RSU1: variants seen among roughly 807,000 people sequenced by gnomAD.
RSU1 encodes rsu-1.
In RSU1, 26 loss-of-function variants were observed where a neutral mutation model predicts 31.1. That is an observed-to-expected ratio of 0.84 (90% CI 0.61 to 1.16). The LOEUF is 1.16. Ranked by LOEUF, RSU1 falls within the 50% of genes most tolerant of loss-of-function variation. RSU1 has a pLI of 0.00. For synonymous variants in RSU1, 164 were observed against 136.3 expected, an observed-to-expected ratio of 1.20 and a Z score of -1.41; for missense variants, 320 against 339.1, an observed-to-expected ratio of 0.94 and a Z score of 0.44.
chr10:16,704,138 A>T (rs1835848069), intron 7 of RSU1, among the ~76,000 whole-genome samples: 1 of 152,216 alleles, frequency 6.6e-6, no homozygotes, highest in Non-Finnish European at 1.5e-5. Context: ...GAAAAAATTA[A>T]ATCTATTTTG....
chr10:16,744,589 A>G (rs1836812950), intron 7 of RSU1, among the ~76,000 whole-genome samples: 1 of 152,238 alleles, frequency 6.6e-6, no homozygotes, highest in Admixed American at 6.5e-5. Flanking sequence ...ACAAGTTAAT[A>G]ATCATATAAA....
intron 7 of RSU1, among the ~76,000 whole-genome samples, chr10:16,740,523 G>C (rs1448897879): frequency 6.6e-6 from 1 of 152,040 alleles, no homozygotes; most frequent in African/African-American, 2.4e-5. Flanking sequence ...TAAAATTAAA[G>C]ACATCCAGAT....
chr10:16,798,869 C>A (rs1176497998), intron 2 of RSU1, among the ~76,000 whole-genome samples: 2 of 152,144 alleles, frequency 1.3e-5, no homozygotes, highest in Non-Finnish European at 2.9e-5. Context: ...CGACAACACT[C>A]CAGAAAAGAA....
chr10:16,593,167 T>A lies in RSU1; in HGVS notation c.*227A>T, dbSNP rs1378977306. The stretch of plus-strand genomic sequence containing the variant: ...TTGAATAAGAGCTTTGTTCCCTGCT[T>A]TTGGTAATGTTAAAGAAACAAATGG... On this transcript the variant is annotated 3_prime_UTR_variant, in exon 9 of 9. Coordinates refer to ENST00000345264, the MANE Select transcript of RSU1 (RefSeq NM_012425.4). 4.2e-6 allele frequency: 3 copies of A among 721,236 alleles called. No homozygotes were observed. The Admixed American group carries it at 1.1e-4, about 26-fold the overall frequency. 44.7% of individuals were successfully genotyped at this position (721,236 alleles called of 1,614,324 possible).
chr10:16,817,237 GA>G, intron 1 of RSU1, 77 bp downstream of exon 1: 1 of 406,586 alleles, frequency 2.5e-6, no homozygotes, highest in East Asian at 4.7e-5. Context: ...GCGGGGAGGG[GA>G]TGGAGTGGGA....
At chr10:16,793,422 G>A (rs1837967651) in intron 2 of RSU1, among the ~76,000 whole-genome samples, 1 of 152,004 alleles carries the variant, frequency 6.6e-6, no homozygotes, top group Admixed American at 6.5e-5. Context: ...CCTATCTTGA[G>A]AACCCCCCAT....
At chr10:16,703,379 C>G (rs923479709) in intron 7 of RSU1, among the ~76,000 whole-genome samples, 2 of 152,140 alleles carry the variant, frequency 1.3e-5, no homozygotes, top group African/African-American at 2.4e-5. Flanking sequence ...AGCAATCTGG[C>G]GATTTCTATT....
chr10:16,770,042 C>G (rs1006631112), intron 3 of RSU1, among the ~76,000 whole-genome samples: 2 of 152,170 alleles, frequency 1.3e-5, no homozygotes, highest in African/African-American at 4.8e-5. Flanking sequence ...GGTAGTCATA[C>G]AAAGAGATGT....
intron 7 of RSU1, among the ~76,000 whole-genome samples, chr10:16,740,848 T>C (rs754631587): frequency 6.6e-6 from 1 of 152,226 alleles, no homozygotes; most frequent in Admixed American, 6.5e-5. Flanking sequence ...TTCATGGATC[T>C]GAACTGAAGC....
At chr10:16,730,333 A>G (rs539025012) in intron 7 of RSU1, among the ~76,000 whole-genome samples, 3 of 152,298 alleles carry the variant, frequency 2.0e-5, no homozygotes, top group African/African-American at 7.2e-5. Context: ...AACTGTATCA[A>G]CTTGCACCTC....
chr10:16,689,665 T>C (rs530298474), intron 8 of RSU1, among the ~76,000 whole-genome samples: 2 of 152,362 alleles, frequency 1.3e-5, no homozygotes, highest in African/African-American at 4.8e-5. Context: ...TTTTATCTCA[T>C]GGTTTCCCAC....
chr10:16,634,515 G>C lies in RSU1; in HGVS notation c.732-41019C>G, dbSNP rs183754838. Among the ~76,000 whole-genome samples, 537 of 152,244 alleles carry C rather than the reference G, an allele frequency of 3.5e-3. 4 individuals carry two copies. Among genetic ancestry groups the C allele is most frequent in the African/African-American group, 0.012 (486 of 41,548 alleles). On this transcript the variant is annotated intron_variant, in intron 8 of 8. Coordinates refer to ENST00000345264, the MANE Select transcript of RSU1 (RefSeq NM_012425.4). ...CTGTATCACCTTACAATGGTTTTTT[G>C]AAAGAATATGTGATTTTCACACAAA...
intron 7 of RSU1, among the ~76,000 whole-genome samples, chr10:16,751,109 C>T (rs183031120): frequency 2.6e-5 from 4 of 152,208 alleles, no homozygotes; most frequent in Admixed American, 6.5e-5. Flanking sequence ...TCAAGCTATC[C>T]GCCTGCTTCG....
At chr10:16,604,315 AG>A (rs1833763019) in intron 8 of RSU1, among the ~76,000 whole-genome samples, 1 of 152,196 alleles carries the variant, frequency 6.6e-6, no homozygotes, top group Non-Finnish European at 1.5e-5. Flanking sequence ...TAAGCAGACC[AG>A]GGATATCAGC....
At chr10:16,608,675 C>A (rs774510339) in intron 8 of RSU1, among the ~76,000 whole-genome samples, 2 of 152,028 alleles carry the variant, frequency 1.3e-5, no homozygotes, top group Non-Finnish European at 2.9e-5. Context: ...GACGGCATCT[C>A]CGAGAGCTCA....
At chr10:16,633,306 T>C (rs1004834491) in intron 8 of RSU1, among the ~76,000 whole-genome samples, 6 of 152,154 alleles carry the variant, frequency 3.9e-5, no homozygotes, top group Non-Finnish European at 5.9e-5. Context: ...CAGCCGAACA[T>C]GGGAAACGAG....
intron 8 of RSU1, among the ~76,000 whole-genome samples, chr10:16,620,808 G>A (rs1332087071): frequency 1.3e-5 from 2 of 151,048 alleles, no homozygotes; most frequent in East Asian, 3.9e-4. Flanking sequence ...TCGCGCCACT[G>A]CACTCCAGCC....
At chr10:16,653,196 G>A (rs1366485586) in intron 8 of RSU1, among the ~76,000 whole-genome samples, 1 of 152,130 alleles carries the variant, frequency 6.6e-6, no homozygotes, top group Non-Finnish European at 1.5e-5. Flanking sequence ...GTGTAACTCC[G>A]ACATATGTTA....
At chr10:16,645,589 C>T (rs1004970956) in intron 8 of RSU1, among the ~76,000 whole-genome samples, 3 of 151,860 alleles carry the variant, frequency 2.0e-5, no homozygotes, top group Admixed American at 2.0e-4. Context: ...GGGCGGATCG[C>T]TTGAGCTCAG....
Sources: allele counts gnomAD v4.1 joint callset (sites outside exome capture counted in the v4.1 genomes callset), GRCh38; gene constraint gnomAD v4.1.1; transcripts MANE v1.5; gene names NCBI Gene and HGNC (gene_info 2026-07-23, HGNC 2026-07-21).